Variants in CHN1 observed in about 807,000 individuals in gnomAD.
CHN1 encodes the protein chimerin 1, also known as N-chimaerin.
Under a neutral mutation model 59.5 loss-of-function variants are expected in CHN1, and 37 were observed. The ratio of observed to expected loss-of-function variants is 0.62; its 90% confidence interval spans 0.48 to 0.82. The LOEUF (loss-of-function observed/expected upper bound fraction) is 0.82. Among genes scored for constraint, CHN1 ranks in the 40% least tolerant of loss-of-function variants. CHN1 has a pLI of 0.00. For missense variants in CHN1, 469 were observed against 571.0 expected (o/e 0.82, Z 1.82); for synonymous variants, 206 against 200.4 (o/e 1.03, Z -0.24).
intron 11 of CHN1, among the ~76,000 whole-genome samples, chr2:174,804,379 C>T (rs1684821410): frequency 6.6e-6 from 1 of 152,020 alleles, no homozygotes; most frequent in South Asian, 2.1e-4. Context: ...GGGATGTAGG[C>T]TATTTTAAGG....
chr2:174,860,936 T>A (rs1197309511), intron 6 of CHN1, among the ~76,000 whole-genome samples: 2 of 152,172 alleles, frequency 1.3e-5, no homozygotes, highest in Non-Finnish European at 2.9e-5. Flanking sequence ...GACCATCTCA[T>A]ACGGTCCTTT....
At chr2:174,879,947 T>C (rs1230269323) in intron 5 of CHN1, among the ~76,000 whole-genome samples, 1 of 152,196 alleles carries the variant, frequency 6.6e-6, no homozygotes, top group Non-Finnish European at 1.5e-5. Context: ...GCACTGGGAA[T>C]GGTTTGATTG....
chr2:174,815,517 T>C (rs1313978872), intron 8 of CHN1, among the ~76,000 whole-genome samples: 1 of 152,216 alleles, frequency 6.6e-6, no homozygotes, highest in Non-Finnish European at 1.5e-5. Flanking sequence ...GAGTTCCTTT[T>C]AGTTATTATA....
intron 7 of CHN1, among the ~76,000 whole-genome samples, chr2:174,829,688 T>C (rs1685805417): frequency 6.6e-6 from 1 of 152,164 alleles, no homozygotes; most frequent in Non-Finnish European, 1.5e-5. Flanking sequence ...ATATGAACAT[T>C]ACGGGAAATA....
intron 3 of CHN1, among the ~76,000 whole-genome samples, chr2:174,927,973 A>T (rs1187102980): frequency 6.6e-6 from 1 of 152,244 alleles, no homozygotes; most frequent in Non-Finnish European, 1.5e-5. Flanking sequence ...GTTAAAAAAT[A>T]AGTATTCTCA....
intron 1 of CHN1, among the ~76,000 whole-genome samples, chr2:174,967,987 C>A (rs1221332756): frequency 6.6e-6 from 1 of 152,068 alleles, no homozygotes; most frequent in East Asian, 1.9e-4. Flanking sequence ...TTCTGCAATG[C>A]GGATTCACAG....
intron 5 of CHN1, among the ~76,000 whole-genome samples, chr2:174,887,196 C>A (rs1237377869): frequency 2.0e-5 from 3 of 152,062 alleles, no homozygotes; most frequent in African/African-American, 7.2e-5. Context: ...TATGGAAAAG[C>A]AATAAACCAT....
intron 1 of CHN1, among the ~76,000 whole-genome samples, chr2:174,989,809 A>G (rs913945783): frequency 2.0e-5 from 3 of 151,994 alleles, no homozygotes; most frequent in Admixed American, 1.3e-4. Flanking sequence ...AAAAAGTTGC[A>G]TGTTTATCTT....
intron 1 of CHN1, among the ~76,000 whole-genome samples, chr2:174,970,287 C>T (rs1343889389): frequency 6.6e-6 from 1 of 152,164 alleles, no homozygotes; most frequent in East Asian, 1.9e-4. Flanking sequence ...GAACTAGCTC[C>T]ATTTTCATAA....
intron 5 of CHN1, among the ~76,000 whole-genome samples, chr2:174,907,025 T>C (rs540301270): frequency 2.6e-5 from 4 of 152,222 alleles, no homozygotes; most frequent in Admixed American, 6.5e-5. Flanking sequence ...AATTTGTTAA[T>C]TGAAAATGAG....
intron 3 of CHN1, among the ~76,000 whole-genome samples, chr2:174,926,882 C>T (rs1213365249): frequency 2.0e-5 from 3 of 151,846 alleles, no homozygotes; most frequent in African/African-American, 2.4e-5. Context: ...CTCAGCCTCC[C>T]GAGTAGCTGG....
chr2:174,978,247 C>T (rs1278184567), intron 1 of CHN1, among the ~76,000 whole-genome samples: 2 of 152,178 alleles, frequency 1.3e-5, no homozygotes, highest in Non-Finnish European at 2.9e-5. Context: ...ACATTTCCCA[C>T]TCCTCTAGGT....
intron 8 of CHN1, among the ~76,000 whole-genome samples, chr2:174,821,000 C>T (rs1402474705): frequency 1.3e-5 from 2 of 152,174 alleles, no homozygotes; most frequent in Non-Finnish European, 2.9e-5. Context: ...CAGATAAATA[C>T]ATTTCTTTTC....
At chr2:174,946,349 A>C (rs1271701584) in intron 2 of CHN1, among the ~76,000 whole-genome samples, 1 of 152,180 alleles carries the variant, frequency 6.6e-6, no homozygotes, top group African/African-American at 2.4e-5. Flanking sequence ...TTCATCACTA[A>C]AACATAGTAT....
At chr2:174,927,007 C>T (rs1689186311) in intron 3 of CHN1, among the ~76,000 whole-genome samples, 2 of 152,114 alleles carry the variant, frequency 1.3e-5, no homozygotes, top group Non-Finnish European at 2.9e-5. Flanking sequence ...ATCTGCCCGC[C>T]TCAGCCTTCC....
chr2:174,812,297 C>CA lies in CHN1; in HGVS notation c.886+11dup, dbSNP rs1302895333. On this transcript the variant is annotated intron_variant, in intron 9 of 12. Coordinates refer to ENST00000409900, the MANE Select transcript of CHN1 (RefSeq NM_001822.7). Reference sequence around the variant, plus strand: ...ACGGAGACCACTGCAACCCGCACTGCAAATGGCTCACCTCTAGACTCAATC... The same window carrying CA: ...ACGGAGACCACTGCAACCCGCACTGCAAAATGGCTCACCTCTAGACTCAATC... 3 of 1,601,778 alleles carry CA rather than the reference C, an allele frequency of 1.9e-6. No homozygotes were observed. Among genetic ancestry groups the CA allele is most frequent in the African/African-American group, 2.7e-5 (2 of 74,780 alleles).
chr2:174,824,147 G>T (rs150605699), intron 8 of CHN1, among the ~76,000 whole-genome samples: 5 of 152,144 alleles, frequency 3.3e-5, no homozygotes, highest in African/African-American at 1.2e-4. Context: ...AAATATAACT[G>T]CCTTACTTTT....
intron 7 of CHN1, among the ~76,000 whole-genome samples, chr2:174,834,131 T>A (rs937662881): frequency 3.3e-5 from 5 of 152,146 alleles, no homozygotes; most frequent in African/African-American, 1.2e-4. Context: ...TAACTTACAG[T>A]CTACCTCCAA....
rs1260236469 is a variant in CHN1, at chr2:174,873,421, C to CTCCTCTGG, written c.549+4411_549+4418dup. On this transcript the variant is annotated intron_variant, in intron 6 of 12. Transcript: ENST00000409900. ...TCTGCAAACTTCTTTGTGCCATGCA[C>CTCCTCTGG]TCCTCTGGTACTGTTACCTTTATTC... Among the ~76,000 whole-genome samples the CTCCTCTGG allele has an allele frequency of 2.6e-5, 4 of 152,342 alleles. No individual in the cohort carries two copies. In the East Asian group the frequency reaches 7.7e-4, roughly 29 times the overall value.
Sources: allele counts gnomAD v4.1 joint callset (sites outside exome capture counted in the v4.1 genomes callset), GRCh38; gene constraint gnomAD v4.1.1; transcripts MANE v1.5; gene names NCBI Gene and HGNC (gene_info 2026-07-23, HGNC 2026-07-21).